The following CSMD1 variants were observed in gnomAD, a reference collection of about 807,000 sequenced individuals.
CSMD1 encodes CUB and Sushi multiple domains 1.
Under a neutral mutation model 417.5 loss-of-function variants are expected in CSMD1, and 213 were observed. The ratio of observed to expected loss-of-function variants is 0.51; its 90% CI spans 0.46 to 0.57. The LOEUF is 0.57. Ranked by LOEUF, CSMD1 falls within the 20% of genes least tolerant of loss-of-function variation. The probability of loss-of-function intolerance (pLI) is 0.00; values close to 1 mark genes in which losing one functional copy is unlikely to be tolerated. For synonymous variants in CSMD1, 2,862 were observed against 1,736.8 expected (o/e 1.65, Z -16.11); for missense variants, 6,923 against 4,529.7 (o/e 1.53, Z -15.17).
At position 3,151,531 on chromosome 8, in the gene CSMD1, T is replaced by C. The variant is rs539413000; in HGVS notation, c.5915-18A>G. 1.5e-5 allele frequency: 23 copies of C among 1,517,740 alleles called. No individual in the cohort carries two copies. In the East Asian group the frequency reaches 5.2e-4, roughly 34 times the overall value. The allele number at this position is 1,517,740 out of a possible 1,614,324, so 94.0% of individuals were successfully genotyped here. A position where few individuals can be genotyped will look rare whatever the true frequency, so the allele number is the denominator to read the frequency against. On this transcript the variant is annotated intron_variant, in intron 39 of 69. Transcript: ENST00000635120. ...ACAGGTTGCTGTTAAGTGGACAAGA[T>C]GTCAGTCCTGCAGGTCCTCACTTTC...
intron 5 of CSMD1, among the ~76,000 whole-genome samples, chr8:3,937,590 A>T (rs145142800): frequency 1.8e-4 from 27 of 152,220 alleles, no homozygotes; most frequent in African/African-American, 5.8e-4. Context: ...TATAACTTTA[A>T]TATGCACTGG....
intron 41 of CSMD1, among the ~76,000 whole-genome samples, chr8:3,138,144 T>G (rs1202731853): frequency 1.3e-5 from 2 of 152,202 alleles, no homozygotes; most frequent in Non-Finnish European, 2.9e-5. Context: ...GAGAATTGCT[T>G]GAACCTGGGA....
At chr8:3,598,103 C>T (rs1433917373) in intron 8 of CSMD1, among the ~76,000 whole-genome samples, 2 of 152,142 alleles carry the variant, frequency 1.3e-5, no homozygotes, top group Non-Finnish European at 2.9e-5. Context: ...TTGGGTCATT[C>T]CTAGAAATAA....
chr8:3,681,745 C>A, intron 7 of CSMD1, among the ~76,000 whole-genome samples: 1 of 152,122 alleles, frequency 6.6e-6, no homozygotes, highest in Non-Finnish European at 1.5e-5. Flanking sequence ...CAATCCTAAG[C>A]CAAAAGAACA....
intron 11 of CSMD1, among the ~76,000 whole-genome samples, chr8:3,481,704 T>C (rs1221631190): frequency 6.6e-6 from 1 of 152,156 alleles, no homozygotes; most frequent in Admixed American, 6.5e-5. Flanking sequence ...GCAGAGAAGA[T>C]GGTCTCGTGA....
chr8:2,981,209 A>G (rs1468569001), intron 54 of CSMD1, among the ~76,000 whole-genome samples: 2 of 152,240 alleles, frequency 1.3e-5, no homozygotes, highest in South Asian at 2.1e-4. Flanking sequence ...AGAAGAATTT[A>G]TCTGCCAGAA....
intron 11 of CSMD1, among the ~76,000 whole-genome samples, chr8:3,479,470 G>C (rs1000661044): frequency 6.6e-6 from 1 of 152,022 alleles, no homozygotes; most frequent in Non-Finnish European, 1.5e-5. Context: ...AGTACATATG[G>C]GGTTTCTCCG....
chr8:3,614,596 A>C (rs1268571509), intron 8 of CSMD1, among the ~76,000 whole-genome samples: 1 of 152,200 alleles, frequency 6.6e-6, no homozygotes, highest in Admixed American at 6.5e-5. Context: ...ATGAAGTGCA[A>C]TTTGAAGAAT....
intron 5 of CSMD1, among the ~76,000 whole-genome samples, chr8:3,844,738 G>C (rs1284050034): frequency 2.6e-5 from 4 of 152,138 alleles, no homozygotes; most frequent in Admixed American, 1.3e-4. Context: ...GATCTTCCTT[G>C]ACAATGAGGT....
intron 5 of CSMD1, among the ~76,000 whole-genome samples, chr8:3,905,201 A>T (rs985459090): frequency 6.6e-6 from 1 of 152,216 alleles, no homozygotes; most frequent in Non-Finnish European, 1.5e-5. Flanking sequence ...CATATAAAAG[A>T]TAATATTTTT....
intron 12 of CSMD1, among the ~76,000 whole-genome samples, chr8:3,431,787 A>C (rs1814232526): frequency 6.6e-6 from 1 of 152,166 alleles, no homozygotes; most frequent in Admixed American, 6.5e-5. Context: ...ATTTGCTCCT[A>C]TTTATTCATA....
At chr8:4,751,683 G>C (rs1289506439) in intron 1 of CSMD1, among the ~76,000 whole-genome samples, 2 of 152,088 alleles carry the variant, frequency 1.3e-5, no homozygotes, top group Admixed American at 6.5e-5. Flanking sequence ...TTAATGGTCA[G>C]CTACCCTTTC....
chr8:4,287,762 C>T (rs1284961746), intron 3 of CSMD1, among the ~76,000 whole-genome samples: 1 of 151,544 alleles, frequency 6.6e-6, no homozygotes, highest in Non-Finnish European at 1.5e-5. Context: ...GAAAGTGGAC[C>T]CGGTCGGTTG....
intron 5 of CSMD1, among the ~76,000 whole-genome samples, chr8:3,837,590 G>T (rs781459171): frequency 6.6e-6 from 1 of 152,196 alleles, no homozygotes; most frequent in African/African-American, 2.4e-5. Context: ...TGACAAGTAA[G>T]TTTAGAAGTC....
chr8:3,754,143 T>C (rs1584947717), intron 5 of CSMD1, 101 bp from the exon 6 acceptor site: 1 of 673,418 alleles, frequency 1.5e-6, no homozygotes, highest in Non-Finnish European at 2.6e-6. Context: ...ATCCTTCATC[T>C]TGAGATGCTT....
rs149476695 is a variant in CSMD1, at chr8:3,857,653, C to G, written c.819-103611G>C. Among the ~76,000 whole-genome samples, 3 of 152,032 alleles carry G rather than the reference C, an allele frequency of 2.0e-5. No homozygotes were observed. In the South Asian group the frequency reaches 6.2e-4, roughly 32 times the overall value. On this transcript the variant is annotated intron_variant, in intron 5 of 69. Transcript: ENST00000635120. ...GCAGAGGGTGGGGACACAGATGGTC[C>G]GAATGAGTGGAATTTTAATACACTT...
chr8:4,428,185 A>G (rs1797674347), intron 2 of CSMD1, among the ~76,000 whole-genome samples: 1 of 152,226 alleles, frequency 6.6e-6, no homozygotes, highest in African/African-American at 2.4e-5. Context: ...AAAGGAAAAC[A>G]AACCCATGTT....
intron 12 of CSMD1, among the ~76,000 whole-genome samples, chr8:3,435,780 C>T (rs759657567): frequency 1.3e-5 from 2 of 152,180 alleles, no homozygotes; most frequent in Non-Finnish European, 2.9e-5. Flanking sequence ...CAGGCAACTG[C>T]CCTGCACAAA....
chr8:3,173,610 T>C (rs568772201), intron 37 of CSMD1, among the ~76,000 whole-genome samples: 6 of 152,346 alleles, frequency 3.9e-5, no homozygotes, highest in South Asian at 2.1e-4. Flanking sequence ...GATTAGTTAT[T>C]ACACTATTGG....
Sources: allele counts gnomAD v4.1 joint callset (sites outside exome capture counted in the v4.1 genomes callset), GRCh38; gene constraint gnomAD v4.1.1; transcripts MANE v1.5; gene names NCBI Gene and HGNC (gene_info 2026-07-23, HGNC 2026-07-21).